HTR7: variants seen among roughly 807,000 people sequenced by gnomAD.
The protein encoded by HTR7 is 5-hydroxytryptamine receptor 7.
Under a neutral mutation model 34.0 loss-of-function variants are expected in HTR7, and 16 were observed. The ratio of observed to expected loss-of-function variants is 0.47; its 90% CI spans 0.32 to 0.71. HTR7 has a LOEUF of 0.71. Among genes scored for constraint, HTR7 ranks in the 30% least tolerant of loss-of-function variants. The pLI is 0.04. For missense variants in HTR7, 504 were observed against 625.5 expected, an observed-to-expected ratio of 0.81 and a Z score of 2.07; for synonymous variants, 265 against 260.2, an observed-to-expected ratio of 1.02 and a Z score of -0.18.
intron 1 of HTR7, among the ~76,000 whole-genome samples, chr10:90,786,486 G>A (rs1350779401): frequency 1.3e-5 from 2 of 152,182 alleles, no homozygotes; most frequent in Admixed American, 6.5e-5. Flanking sequence ...CATAAGAATA[G>A]GCTATGAAAT....
chr10:90,831,366 A>G (rs1846171883), intron 1 of HTR7, among the ~76,000 whole-genome samples: 1 of 149,188 alleles, frequency 6.7e-6, no homozygotes, highest in Non-Finnish European at 1.5e-5. Flanking sequence ...CTTGGCGGTG[A>G]GTGTTACAGC....
intron 1 of HTR7, among the ~76,000 whole-genome samples, chr10:90,837,709 C>T (rs372770683): frequency 5.9e-5 from 9 of 152,282 alleles, no homozygotes; most frequent in East Asian, 1.9e-4. Flanking sequence ...GACTACAGTG[C>T]GGCACATCTG....
chr10:90,759,979 A>G (rs1844908473), intron 1 of HTR7, among the ~76,000 whole-genome samples: 1 of 152,194 alleles, frequency 6.6e-6, no homozygotes. Context: ...TCTTTACACA[A>G]TCTTTCAGGA....
intron 1 of HTR7, among the ~76,000 whole-genome samples, chr10:90,789,427 A>G (rs1052867629): frequency 2.6e-5 from 4 of 152,188 alleles, no homozygotes; most frequent in African/African-American, 9.6e-5. Context: ...CCCACAATAA[A>G]ACTGTGTCAG....
At chr10:90,851,302 A>G (rs749409282) in intron 1 of HTR7, among the ~76,000 whole-genome samples, 19 of 152,164 alleles carry the variant, frequency 1.2e-4, no homozygotes, top group Non-Finnish European at 2.6e-4. Flanking sequence ...CTCAGTGAAA[A>G]TATCATTCAA....
chr10:90,796,811 A>T, intron 1 of HTR7, among the ~76,000 whole-genome samples: 1 of 152,186 alleles, frequency 6.6e-6, no homozygotes, highest in East Asian at 1.9e-4. Context: ...GATTGAGACT[A>T]TCCCGGCTAA....
intron 1 of HTR7, among the ~76,000 whole-genome samples, chr10:90,758,996 T>C (rs190124715): frequency 5.3e-5 from 8 of 152,002 alleles, no homozygotes; most frequent in Non-Finnish European, 1.0e-4. Context: ...GAGACCAGCC[T>C]GACCAACATG....
chr10:90,740,950 A>G lies in HTR7; in HGVS notation c.*1532T>C, dbSNP rs1280025998. The G allele has an allele frequency of 1.3e-5, 2 of 152,550 alleles. No individual in the cohort carries two copies. Among genetic ancestry groups the G allele is most frequent in the Non-Finnish European group, 2.9e-5 (2 of 68,004 alleles). 9.4% of individuals were successfully genotyped at this position (152,550 alleles called of 1,614,324 possible). A position where few individuals can be genotyped will look rare whatever the true frequency, so the allele number is the denominator to read the frequency against. On this transcript the variant is annotated 3_prime_UTR_variant, in exon 4 of 4. Transcript: ENST00000336152. ...AAATAATCATTTAAATTATGAATATAATATATACGGTCACTTCAGCAAATT... is the reference window on the plus strand; with the variant it reads ...AAATAATCATTTAAATTATGAATATGATATATACGGTCACTTCAGCAAATT...
intron 1 of HTR7, among the ~76,000 whole-genome samples, chr10:90,805,327 C>G (rs188825638): frequency 3.9e-5 from 6 of 152,176 alleles, no homozygotes; most frequent in African/African-American, 1.4e-4. Flanking sequence ...AAATAACACA[C>G]AAGCTAAGTT....
At chr10:90,743,029 G>A (rs931429298) in intron 3 of HTR7, among the ~76,000 whole-genome samples, 1 of 152,126 alleles carries the variant, frequency 6.6e-6, no homozygotes, top group Non-Finnish European at 1.5e-5. Context: ...TGTCAGCCAA[G>A]GGCTGAGAAA....
intron 2 of HTR7, 142 bp downstream of exon 2, chr10:90,748,697 C>T (rs1480309578): frequency 3.2e-6 from 3 of 944,252 alleles, no homozygotes; most frequent in African/African-American, 3.3e-5. Context: ...AGACTGGAGT[C>T]TATACTGTTG....
At chr10:90,777,728 A>G (rs1845241584) in intron 1 of HTR7, among the ~76,000 whole-genome samples, 1 of 152,208 alleles carries the variant, frequency 6.6e-6, no homozygotes, top group Middle Eastern at 3.2e-3. Context: ...AAGCATTGCT[A>G]TCCTAAACAA....
chr10:90,811,313 C>G (rs561023072), intron 1 of HTR7, among the ~76,000 whole-genome samples: 43 of 152,260 alleles, frequency 2.8e-4, no homozygotes, highest in African/African-American at 1.0e-3. Context: ...AAATCACAAA[C>G]TATGCTCAAC....
At chr10:90,844,446 C>A (rs992542013) in intron 1 of HTR7, among the ~76,000 whole-genome samples, 4 of 151,986 alleles carry the variant, frequency 2.6e-5, no homozygotes, top group Admixed American at 6.6e-5. Context: ...ATCAGTCTGG[C>A]CGGGCGCAGT....
chr10:90,847,584 A>G (rs1346727474), intron 1 of HTR7, among the ~76,000 whole-genome samples: 1 of 152,222 alleles, frequency 6.6e-6, no homozygotes, highest in African/African-American at 2.4e-5. Flanking sequence ...AAGCAGAATT[A>G]AAGCCAAAAG....
At chr10:90,802,996 C>CTTTTTTTTTTTTTTTTTTT (rs35715510) in intron 1 of HTR7, among the ~76,000 whole-genome samples, 3 of 89,010 alleles carry the variant, frequency 3.4e-5, no homozygotes, top group Admixed American at 1.3e-4. Flanking sequence ...CATTTGTGGC[C>CTTTTTTTTTTTTTTTTTTT]TTTTTTTTTT....
chr10:90,823,896 C>T (rs1470000473), intron 1 of HTR7, among the ~76,000 whole-genome samples: 4 of 152,186 alleles, frequency 2.6e-5, no homozygotes, highest in African/African-American at 9.7e-5. Flanking sequence ...TGCTTGCTTC[C>T]CCTTTGTCTT....
intron 1 of HTR7, among the ~76,000 whole-genome samples, chr10:90,847,812 T>G (rs1162099022): frequency 1.3e-5 from 2 of 152,234 alleles, no homozygotes; most frequent in Non-Finnish European, 2.9e-5. Context: ...TCTGCTCAGA[T>G]TAATCATATA....
At chr10:90,850,596 G>T (rs1034708890) in intron 1 of HTR7, among the ~76,000 whole-genome samples, 1 of 152,090 alleles carries the variant, frequency 6.6e-6, no homozygotes, top group Admixed American at 6.5e-5. Context: ...GTCAGGAAAC[G>T]AAGAGTCAAA....
Sources: gnomAD v4.1 joint callset for allele counts (sites outside exome capture counted in the v4.1 genomes callset) on GRCh38, gnomAD v4.1.1 for gene constraint, MANE v1.5 for transcripts, NCBI Gene and HGNC (gene_info 2026-07-23, HGNC 2026-07-21) for gene names.